Variants in UBAP2L observed in about 807,000 individuals in gnomAD.
UBAP2L encodes the protein ubiquitin associated protein 2 like, also known as ubiquitin-associated protein 2-like.
In UBAP2L, 12 loss-of-function variants were observed where a neutral mutation model predicts 130.6. That is an observed-to-expected ratio of 0.09 (90% CI 0.06 to 0.15). UBAP2L has a LOEUF of 0.15. Ranked by LOEUF, UBAP2L falls within the 10% of genes least tolerant of loss-of-function variation. The pLI is 1.00. For missense variants in UBAP2L, 965 were observed against 1,332.5 expected (o/e 0.72, Z 4.29); for synonymous variants, 503 against 524.7 (o/e 0.96, Z 0.57).
intron 11 of UBAP2L, 105 bp downstream of exon 11, chr1:154,246,480 C>T: frequency 7.6e-7 from 1 of 1,320,622 alleles, no homozygotes; most frequent in Non-Finnish European, 1.0e-6. Context: ...GTGAAGCATC[C>T]TCTTTGTCTT....
At chr1:154,227,150 A>C (rs1220781877) in intron 2 of UBAP2L, 132 bp from the exon 3 acceptor site, 4 of 735,610 alleles carry the variant, frequency 5.4e-6, no homozygotes, top group Non-Finnish European at 9.4e-6. Context: ...AGCGTCCTAA[A>C]TGGTGCTTTA....
rs528100592 is a variant in UBAP2L at position 154,235,401 on chromosome 1, G to A, written c.544+110G>A. On this transcript the variant is annotated intron_variant, in intron 6 of 26. Coordinates refer to ENST00000428931, the MANE Select transcript of UBAP2L (RefSeq NM_014847.4). ...AGGTAGTCTCACTCTCACCCAGGCCGGAGTGCAGTGGCACAGTCATAGCTC... is the reference window on the plus strand; with the variant it reads ...AGGTAGTCTCACTCTCACCCAGGCCAGAGTGCAGTGGCACAGTCATAGCTC... The A allele has an allele frequency of 5.1e-4, 308 of 601,956 alleles. 5 individuals are homozygous for A. The South Asian group carries it at 5.6e-3, about 11-fold the overall frequency. 37.3% of individuals were successfully genotyped at this position (601,956 alleles called of 1,614,324 possible).
At chr1:154,251,719 A>G in intron 14 of UBAP2L, 66 bp downstream of exon 14, 2 of 1,583,660 alleles carry the variant, frequency 1.3e-6, no homozygotes, top group Non-Finnish European at 1.7e-6. Context: ...TCTGTGGGAG[A>G]TTTCTAGAAC....
chr1:154,242,970 G>T (rs2148755211), intron 9 of UBAP2L: 1 of 264,126 alleles, frequency 3.8e-6, no homozygotes, highest in African/African-American at 2.2e-5. Context: ...TGTAAGTTCA[G>T]TATGCATATG....
intron 8 of UBAP2L, among the ~76,000 whole-genome samples, chr1:154,240,426 C>T (rs902644000): frequency 5.3e-5 from 8 of 152,078 alleles, no homozygotes; most frequent in African/African-American, 1.9e-4. Context: ...GTATTACCAA[C>T]AAACACAAGG....
In UBAP2L at chr1:154,243,257, C is replaced by T. The variant is rs1280641706; in HGVS notation, c.797C>T (p.Ser266Leu). The change falls in exon 10 of 27, where the codon TCA becomes TTA. Residue 266 changes from serine to leucine, a missense_variant. By Grantham distance (145) the Ser-to-Leu change is moderately radical. This residue lies in a region of UBAP2L where 19 missense variants were observed against 52.1 expected (regional missense o/e 0.36). Coordinates refer to ENST00000428931, the MANE Select transcript of UBAP2L (RefSeq NM_014847.4). ...ATCTTCACTGCCTCTAATGTGTCTT[C>T]AGTGCCTCTGCCTGCGGAGAATGTG... ...TKIFTASNVSSVPLPAENVTI... is the reference protein window; with the variant it reads ...TKIFTASNVSLVPLPAENVTI... 2 of 1,612,088 alleles carry T rather than the reference C, an allele frequency of 1.2e-6. No homozygotes were observed. The highest frequency in any genetic ancestry group is 8.5e-7 in the Non-Finnish European group (1 of 1,178,478).
intron 14 of UBAP2L, 134 bp from the exon 15 acceptor site, chr1:154,253,766 C>G (rs1320863586): frequency 2.3e-6 from 2 of 852,172 alleles, no homozygotes; most frequent in Non-Finnish European, 3.5e-6. Context: ...TTGGTAGATT[C>G]TTCTATTTGT....
At chr1:154,254,811 C>T (rs1301918307) in intron 15 of UBAP2L, 25 bp from the exon 16 acceptor site, 9 of 1,555,690 alleles carry the variant, frequency 5.8e-6, no homozygotes, top group African/African-American at 1.6e-5. Context: ...GTTTCTTGCT[C>T]TTCTGTTTTT....
Position 154,254,816 on chromosome 1 carries a change from G to GTTTTTT in UBAP2L, c.1855-11_1855-6dup. On this transcript the variant is annotated intron_variant, in intron 15 of 26. Transcript: ENST00000428931. ...GAGTTTGTCTGTTTCTTGCTCTTCT[G>GTTTTTT]TTTTTTTTTTTTTTACCAGAATGGC... is the stretch of plus-strand genomic sequence containing the variant. 4.7e-6 allele frequency: 7 copies of GTTTTTT among 1,491,434 alleles called. No homozygotes were observed. Among genetic ancestry groups the GTTTTTT allele is most frequent in the East Asian group, 4.8e-5 (2 of 41,398 alleles). The allele number at this position is 1,491,434 out of a possible 1,614,324, so 92.4% of individuals were successfully genotyped here.
At chr1:154,220,232 C>G (rs1357348724), upstream of UBAP2L, 15 of 1,351,072 alleles carry the variant, frequency 1.1e-5, no homozygotes, top group Non-Finnish European at 1.5e-5. Flanking sequence ...AGTCAAAGCC[C>G]GGATAGGCGC....
At chr1:154,269,409 G>T (rs573026521) in intron 26 of UBAP2L, 1 of 1,310,450 alleles carries the variant, frequency 7.6e-7, no homozygotes, top group South Asian at 1.2e-5. Flanking sequence ...AGCAGGAGGA[G>T]CAGGTAATGA....
chr1:154,226,861 C>T (rs1668110625), intron 2 of UBAP2L, among the ~76,000 whole-genome samples: 1 of 152,114 alleles, frequency 6.6e-6, no homozygotes, highest in South Asian at 2.1e-4. Flanking sequence ...CTTGCTCTAT[C>T]ACTTAGGCTG....
chr1:154,254,954 T>A (rs1015831471), intron 16 of UBAP2L, 64 bp downstream of exon 16: 28 of 1,547,686 alleles, frequency 1.8e-5, no homozygotes, highest in Non-Finnish European at 2.4e-5. Flanking sequence ...ATGGTGATAA[T>A]CCATTAGTTC....
chr1:154,234,233 C>T (rs989495335), intron 4 of UBAP2L, among the ~76,000 whole-genome samples: 27 of 152,092 alleles, frequency 1.8e-4, no homozygotes, highest in South Asian at 4.1e-4. Context: ...CATGGTGTCG[C>T]GTGCCTGTAA....
chr1:154,235,372 T>A (rs1671289728), intron 6 of UBAP2L, 81 bp downstream of exon 6: 5 of 631,898 alleles, frequency 7.9e-6, no homozygotes. Flanking sequence ...TTTTTTTTTA[T>A]TGGAGGTAGT....
At position 154,249,243 on chromosome 1, in the gene UBAP2L, G is replaced by A; in HGVS notation, c.1019G>A (p.Ser340Asn). The A allele has an allele frequency of 5.0e-6, 8 of 1,614,136 alleles. No homozygotes were observed. The highest frequency in any genetic ancestry group is 6.8e-6 in the Non-Finnish European group (8 of 1,180,016). Reference protein sequence around the residue: ...GNTFSHHSMVSMLGKGFGDVG... With the variant: ...GNTFSHHSMVNMLGKGFGDVG... ...CATCTCTTTGTTGATCTACAGGTGA[G>A]CATGTTAGGGAAAGGATTTGGTGAT... The change falls in exon 12 of 27, where the codon AGC becomes AAC. Residue 340 changes from serine (S) to asparagine (N), a missense_variant. Ser to Asn is a conservative substitution (Grantham distance 46). This residue lies in a region of UBAP2L where 99 missense variants were observed against 106.4 expected (regional missense o/e 0.93). Transcript: ENST00000428931.
At chr1:154,243,608 G>A (rs1420596993) in intron 10 of UBAP2L, among the ~76,000 whole-genome samples, 1 of 152,052 alleles carries the variant, frequency 6.6e-6, no homozygotes, top group Non-Finnish European at 1.5e-5. Flanking sequence ...TTACAGGCGT[G>A]TGCCACCACG....
chr1:154,266,274 ACTCT>A (rs756926717), intron 24 of UBAP2L, among the ~76,000 whole-genome samples: 26 of 151,806 alleles, frequency 1.7e-4, no homozygotes, highest in Non-Finnish European at 2.9e-4. Flanking sequence ...AACTTACCTC[ACTCT>A]CTCTCACGTA....
chr1:154,222,542 C>T lies in UBAP2L; in HGVS notation c.-41+1567C>T, dbSNP rs977532518. On this transcript the variant is annotated intron_variant, in intron 1 of 26. Coordinates refer to ENST00000428931, the MANE Select transcript of UBAP2L (RefSeq NM_014847.4). Reference sequence around the variant, plus strand: ...TGTTTTGTTTTTCATCTTTAAAGCTCCTCCTTGCTATGTCCTAACTGGGAA... The same window carrying T: ...TGTTTTGTTTTTCATCTTTAAAGCTTCTCCTTGCTATGTCCTAACTGGGAA... Among the ~76,000 whole-genome samples the T allele has an allele frequency of 3.9e-5, 6 of 152,242 alleles. 1 individual carries two copies. The South Asian group carries it at 1.0e-3, about 26-fold the overall frequency.
Sources: allele counts gnomAD v4.1 joint callset (sites outside exome capture counted in the v4.1 genomes callset), GRCh38; gene constraint gnomAD v4.1.1; regional missense constraint gnomAD v4.1.1; transcripts MANE v1.5; gene names NCBI Gene and HGNC (gene_info 2026-07-23, HGNC 2026-07-21).